The following BCAT1 variants were observed in gnomAD, a reference collection of about 807,000 sequenced individuals.
BCAT1 encodes branched-chain-amino-acid aminotransferase, cytosolic.
Under a neutral mutation model 52.4 loss-of-function variants are expected in BCAT1, and 48 were observed. That is an observed-to-expected ratio of 0.92 (90% CI 0.73 to 1.16). The LOEUF (loss-of-function observed/expected upper bound fraction) is 1.16, where lower values mean the gene tolerates loss of function less well. Ranked by LOEUF, BCAT1 falls within the 50% of genes most tolerant of loss-of-function variation. The pLI, the probability that BCAT1 is intolerant of heterozygous loss-of-function variation, is 0.00. For synonymous variants in BCAT1, 167 were observed against 161.3 expected, an observed-to-expected ratio of 1.04 and a Z score of -0.27; for missense variants, 451 against 457.1, an observed-to-expected ratio of 0.99 and a Z score of 0.12.
At chr12:24,865,493 G>C (rs536600083) in intron 5 of BCAT1, among the ~76,000 whole-genome samples, 14 of 152,104 alleles carry the variant, frequency 9.2e-5, no homozygotes, top group African/African-American at 3.1e-4. Flanking sequence ...CATCTTTAAG[G>C]CTCCCAAATG....
At chr12:24,948,638 C>G (rs11047723) in intron 1 of BCAT1, among the ~76,000 whole-genome samples, 34,056 of 152,120 alleles carry the variant, frequency 0.22, 4,344 homozygotes, top group Non-Finnish European at 0.3. Flanking sequence ...CCAAACTTCA[C>G]AAGCAGGGGA....
chr12:24,886,441 G>A (rs138727918), intron 3 of BCAT1, among the ~76,000 whole-genome samples: 91 of 152,206 alleles, frequency 6.0e-4, no homozygotes, highest in African/African-American at 2.1e-3. Context: ...GGCCAAATCT[G>A]CATTCATATT....
chr12:24,944,217 C>G, intron 1 of BCAT1, among the ~76,000 whole-genome samples: 1 of 152,172 alleles, frequency 6.6e-6, no homozygotes, highest in East Asian at 1.9e-4. Context: ...TACCTTTTAT[C>G]TTCAAAGTTC....
rs1804099960 is a variant in BCAT1, at chr12:24,814,433, CAG to C, written c.*3573_*3574del. 1 of 136,878 alleles carries C rather than the reference CAG, an allele frequency of 7.3e-6. No homozygotes were observed. The highest frequency in any genetic ancestry group is 2.7e-5 in the African/African-American group (1 of 37,036). 8.5% of individuals were successfully genotyped at this position (136,878 alleles called of 1,614,324 possible). On this transcript the variant is annotated 3_prime_UTR_variant, in exon 11 of 11. Coordinates refer to ENST00000261192, the MANE Select transcript of BCAT1 (RefSeq NM_005504.7). Reference sequence around the variant, plus strand: ...TGCAACTTGAAAAAAAAAAAGGAAACAGAATATAGTGACTGAGCACTGAGTGG... The same window carrying C: ...TGCAACTTGAAAAAAAAAAAGGAAACAATATAGTGACTGAGCACTGAGTGG...
Position 24,836,512 on chromosome 12 carries a change from C to A in BCAT1, c.902G>T (p.Trp301Leu), listed in dbSNP as rs749256768. 6.2e-7 allele frequency: 1 copy of A among 1,611,444 alleles called. No homozygotes were observed. Among genetic ancestry groups the A allele is most frequent in the East Asian group, 2.2e-5 (1 of 44,830 alleles). Reference sequence around the variant, plus strand: ...GTTGTTCATATCAAAGGCACCCACCCACTGATGTGCCAGGTCCAGAATGCA... The same window carrying A: ...GTTGTTCATATCAAAGGCACCCACCAACTGATGTGCCAGGTCCAGAATGCA... Reference protein sequence around the residue: ...RRCILDLAHQWGEFKVSERYL... With the variant: ...RRCILDLAHQLGEFKVSERYL... Residue 301 changes from tryptophan to leucine, a missense_variant and splice_region_variant, in exon 8 of 11, where the codon TGG (tryptophan) becomes TTG (leucine). Physicochemically the swap from Trp to Leu is moderately conservative, Grantham distance 61. Coordinates refer to ENST00000261192, the MANE Select transcript of BCAT1 (RefSeq NM_005504.7).
At chr12:24,889,981 G>C (rs1276659384) in intron 3 of BCAT1, among the ~76,000 whole-genome samples, 1 of 152,136 alleles carries the variant, frequency 6.6e-6, no homozygotes, top group Non-Finnish European at 1.5e-5. Flanking sequence ...GGTTCCTAAA[G>C]GGTGGCACAC....
In BCAT1 at chr12:24,866,977, G is replaced by T. The variant is rs560580498; in HGVS notation, c.510+11553C>A. 2.1e-3 allele frequency among the ~76,000 whole-genome samples: 320 copies of T among 152,130 alleles called. 3 individuals carry two copies. Among genetic ancestry groups the T allele is most frequent in the African/African-American group, 7.5e-3 (312 of 41,490 alleles). Reference sequence around the variant, plus strand: ...AAATCTTGCTGCTGCTCACTCTTTGGGTCCACACTGCCTTTATGAGCTGTA... The same window carrying T: ...AAATCTTGCTGCTGCTCACTCTTTGTGTCCACACTGCCTTTATGAGCTGTA... On this transcript the variant is annotated intron_variant, in intron 5 of 10. Coordinates refer to ENST00000261192, the MANE Select transcript of BCAT1 (RefSeq NM_005504.7).
intron 8 of BCAT1, chr12:24,834,225 AATTGT>A: frequency 1.0e-6 from 1 of 980,946 alleles, no homozygotes. Flanking sequence ...TTATTTGAGA[AATTGT>A]ATTGTATGTA....
chr12:24,854,105 T>TG (rs1941596094), intron 5 of BCAT1, among the ~76,000 whole-genome samples: 1 of 152,242 alleles, frequency 6.6e-6, no homozygotes, highest in Non-Finnish European at 1.5e-5. Flanking sequence ...CTGAGTGTGA[T>TG]GGAAAATAAA....
chr12:24,883,567 T>G (rs1942566418), intron 3 of BCAT1, among the ~76,000 whole-genome samples: 1 of 152,162 alleles, frequency 6.6e-6, no homozygotes. Context: ...CACTGCTGCA[T>G]TCCAGCCTAG....
At chr12:24,887,080 A>ATATAT (rs1555111554) in intron 3 of BCAT1, among the ~76,000 whole-genome samples, 7 of 40,746 alleles carry the variant, frequency 1.7e-4, no homozygotes, top group African/African-American at 2.3e-4. Flanking sequence ...AAAAAAAAAA[A>ATATAT]ATATATATAT....
intron 1 of BCAT1, among the ~76,000 whole-genome samples, chr12:24,939,561 G>T (rs1943818171): frequency 6.6e-6 from 1 of 152,204 alleles, no homozygotes; most frequent in African/African-American, 2.4e-5. Flanking sequence ...AAATGGCCGG[G>T]TGCAGTGGCT....
At chr12:24,849,640 G>T in intron 6 of BCAT1, 146 bp downstream of exon 6, 1 of 965,810 alleles carries the variant, frequency 1.0e-6, no homozygotes, top group South Asian at 2.5e-5. Flanking sequence ...CTGGCTTGCT[G>T]AAAGATTAAA....
At chr12:24,845,937 G>A (rs909851212) in intron 6 of BCAT1, among the ~76,000 whole-genome samples, 4 of 152,068 alleles carry the variant, frequency 2.6e-5, no homozygotes, top group Non-Finnish European at 5.9e-5. Context: ...TTTCTCATTC[G>A]TAGACACAAC....
intron 5 of BCAT1, among the ~76,000 whole-genome samples, chr12:24,855,972 T>C (rs932509965): frequency 2.0e-4 from 31 of 152,094 alleles, no homozygotes; most frequent in African/African-American, 7.5e-4. Context: ...TTAAACAATG[T>C]GCAAATCAGA....
At chr12:24,914,761 A>G (rs551127841) in intron 1 of BCAT1, among the ~76,000 whole-genome samples, 91 of 152,350 alleles carry the variant, frequency 6.0e-4, no homozygotes, top group Middle Eastern at 3.4e-3. Context: ...TATTTCTTCC[A>G]AAGTTTATAT....
At chr12:24,917,359 T>C (rs1943432889) in intron 1 of BCAT1, among the ~76,000 whole-genome samples, 1 of 152,174 alleles carries the variant, frequency 6.6e-6, no homozygotes, top group Non-Finnish European at 1.5e-5. Context: ...TGTTTTTGTG[T>C]TTTTAGTAGA....
chr12:24,857,157 C>G (rs1043049848), intron 5 of BCAT1, among the ~76,000 whole-genome samples: 2 of 152,190 alleles, frequency 1.3e-5, no homozygotes, highest in Admixed American at 1.3e-4. Flanking sequence ...TGAGTCCTTT[C>G]TGGTTTGATA....
At chr12:24,886,189 G>A (rs1242879874) in intron 3 of BCAT1, among the ~76,000 whole-genome samples, 3 of 152,208 alleles carry the variant, frequency 2.0e-5, no homozygotes, top group African/African-American at 7.2e-5. Flanking sequence ...AAGCTGAAGC[G>A]AGAGGATTGC....
Sources: allele counts gnomAD v4.1 joint callset (sites outside exome capture counted in the v4.1 genomes callset), GRCh38; gene constraint gnomAD v4.1.1; transcripts MANE v1.5; gene names NCBI Gene and HGNC (gene_info 2026-07-23, HGNC 2026-07-21).